The following MICAL3 variants were observed in gnomAD, a reference collection of about 807,000 sequenced individuals.
MICAL3 encodes the protein [F-actin]-monooxygenase MICAL3.
In MICAL3, 62 loss-of-function variants were observed where a neutral mutation model predicts 207.4. The ratio of observed to expected loss-of-function variants is 0.30; its 90% CI spans 0.24 to 0.37. The LOEUF (loss-of-function observed/expected upper bound fraction) is 0.37. Ranked by LOEUF, MICAL3 falls within the 10% of genes least tolerant of loss-of-function variation. The probability of loss-of-function intolerance (pLI) is 1.00; values close to 1 mark genes in which losing one functional copy is unlikely to be tolerated. For missense variants in MICAL3, 2,368 were observed against 2,635.6 expected (o/e 0.90, Z 2.22); for synonymous variants, 1,077 against 1,069.3 (o/e 1.01, Z -0.14).
rs1923936648 is a variant in MICAL3, at chr22:17,840,853, G to C, written c.2801+969C>G. On this transcript the variant is annotated intron_variant, in intron 20 of 31. Coordinates refer to ENST00000441493, the MANE Select transcript of MICAL3 (RefSeq NM_015241.3). ...CTTTGGAACTGCAGACACCAAGGCAGAGGCTGCCCCCGGCATGCACGGAGG... is the reference window on the plus strand; with the variant it reads ...CTTTGGAACTGCAGACACCAAGGCACAGGCTGCCCCCGGCATGCACGGAGG... 4 of 152,334 alleles carry C rather than the reference G, an allele frequency of 2.6e-5. No homozygotes were observed. In the South Asian group the frequency reaches 8.3e-4, roughly 32 times the overall value. The allele number at this position is 152,334 out of a possible 1,614,324, so 9.4% of individuals were successfully genotyped here.
chr22:17,809,486 T>A (rs1298980397), intron 28 of MICAL3, among the ~76,000 whole-genome samples: 1 of 152,106 alleles, frequency 6.6e-6, no homozygotes, highest in Non-Finnish European at 1.5e-5. Flanking sequence ...ATACAAAAAT[T>A]AGCTGGATGT....
chr22:17,904,118 T>C (rs1017253415), intron 3 of MICAL3, among the ~76,000 whole-genome samples: 2 of 152,214 alleles, frequency 1.3e-5, no homozygotes, highest in Admixed American at 6.5e-5. Context: ...CATTATCCCC[T>C]TGCCATTAAC....
intron 1 of MICAL3, among the ~76,000 whole-genome samples, chr22:17,989,020 G>T (rs1921361032): frequency 6.6e-6 from 1 of 151,988 alleles, no homozygotes; most frequent in African/African-American, 2.4e-5. Context: ...CTCCTCCCCG[G>T]CTGATCTTGC....
At chr22:17,938,159 C>G (rs1004495050) in intron 1 of MICAL3, among the ~76,000 whole-genome samples, 1 of 152,170 alleles carries the variant, frequency 6.6e-6, no homozygotes, top group Non-Finnish European at 1.5e-5. Flanking sequence ...TCTCACTGCA[C>G]AGATGAGAAA....
intron 29 of MICAL3, among the ~76,000 whole-genome samples, chr22:17,803,371 G>A (rs892688806): frequency 2.0e-5 from 3 of 152,090 alleles, no homozygotes; most frequent in African/African-American, 7.2e-5. Flanking sequence ...ACGAGACCAC[G>A]ACCCAGTGAA....
At chr22:17,963,397 T>G (rs1935006036) in intron 1 of MICAL3, among the ~76,000 whole-genome samples, 1 of 152,112 alleles carries the variant, frequency 6.6e-6, no homozygotes, top group African/African-American at 2.4e-5. Flanking sequence ...CCATCTCCAT[T>G]CTTTAATGAC....
chr22:17,977,613 G>A (rs1392742059), intron 1 of MICAL3, among the ~76,000 whole-genome samples: 1 of 152,068 alleles, frequency 6.6e-6, no homozygotes, highest in Non-Finnish European at 1.5e-5. Flanking sequence ...GTTGCTGGTG[G>A]GAAAGTAAAA....
chr22:17,941,289 C>A (rs1030278596), intron 1 of MICAL3, among the ~76,000 whole-genome samples: 1 of 152,206 alleles, frequency 6.6e-6, no homozygotes, highest in African/African-American at 2.4e-5. Context: ...AACACCGGCA[C>A]CGATGTCAGC....
intron 20 of MICAL3, 28 bp from the exon 21 acceptor site, chr22:17,832,135 G>A: frequency 1.3e-6 from 2 of 1,552,372 alleles, no homozygotes; most frequent in African/African-American, 1.4e-5. Flanking sequence ...CATAGCCAGA[G>A]TGAGGGAATG....
chr22:17,916,233 T>G (rs5747412), intron 1 of MICAL3, among the ~76,000 whole-genome samples: 2 of 151,544 alleles, frequency 1.3e-5, no homozygotes, highest in Admixed American at 6.6e-5. Context: ...CCTCCAATGA[T>G]AGCGAGCGAC....
intron 1 of MICAL3, among the ~76,000 whole-genome samples, chr22:17,996,614 A>C (rs1254008541): frequency 1.3e-5 from 2 of 152,098 alleles, no homozygotes; most frequent in Admixed American, 6.6e-5. Context: ...TGTTCTCTCC[A>C]CCGGGGCAAT....
chr22:17,941,645 C>G (rs900616545), intron 1 of MICAL3, among the ~76,000 whole-genome samples: 1 of 152,232 alleles, frequency 6.6e-6, no homozygotes, highest in Non-Finnish European at 1.5e-5. Flanking sequence ...ATATGCCACT[C>G]TTGGGATACA....
intron 19 of MICAL3, among the ~76,000 whole-genome samples, chr22:17,854,185 G>GGA (rs1925646184): frequency 6.6e-6 from 1 of 151,244 alleles, no homozygotes; most frequent in Non-Finnish European, 1.5e-5. Flanking sequence ...GGGTCACTTG[G>GGA]CAATGTCTGG....
chr22:17,909,400 C>T (rs998314238), intron 1 of MICAL3, among the ~76,000 whole-genome samples: 2 of 152,206 alleles, frequency 1.3e-5, no homozygotes, highest in Non-Finnish European at 2.9e-5. Flanking sequence ...TGGCACACGC[C>T]TGTAATCCCA....
chr22:17,816,795 A>G lies in MICAL3; in HGVS notation c.5351-11T>C, dbSNP rs896319997. The G allele has an allele frequency of 4.5e-6, 7 of 1,546,182 alleles. No individual in the cohort carries two copies. Among genetic ancestry groups the G allele is most frequent in the Non-Finnish European group, 6.1e-6 (7 of 1,144,180 alleles). On this transcript the variant is annotated splice_polypyrimidine_tract_variant and intron_variant, in intron 26 of 31. Coordinates refer to ENST00000441493, the MANE Select transcript of MICAL3 (RefSeq NM_015241.3). ...GCCGGAGCTGCAGCTCTGTGGAGAG[A>G]GGGAGGCCACGTGAGGACAGCGCCA...
At chr22:17,949,833 C>T (rs535254438) in intron 1 of MICAL3, among the ~76,000 whole-genome samples, 1 of 152,360 alleles carries the variant, frequency 6.6e-6, no homozygotes, top group South Asian at 2.1e-4. Flanking sequence ...CAGATACTCC[C>T]TGTGTGCACA....
At chr22:17,984,536 C>T (rs115883616) in intron 1 of MICAL3, among the ~76,000 whole-genome samples, 3,208 of 150,184 alleles carry the variant, frequency 0.021, 57 homozygotes, top group African/African-American at 0.049. Flanking sequence ...CCAGACCTCC[C>T]CCCCACCCCC....
chr22:17,797,515 T>C (rs915422301), intron 29 of MICAL3, among the ~76,000 whole-genome samples: 1 of 152,090 alleles, frequency 6.6e-6, no homozygotes, highest in Non-Finnish European at 1.5e-5. Context: ...TAAGTAATAA[T>C]AGCCCAGAGG....
At chr22:17,944,252 C>T (rs544223512) in intron 1 of MICAL3, among the ~76,000 whole-genome samples, 69 of 152,256 alleles carry the variant, frequency 4.5e-4, no homozygotes, top group African/African-American at 1.5e-3. Flanking sequence ...TAGAGGTTCT[C>T]GGGACTTCAT....
Sources: allele counts gnomAD v4.1 joint callset (sites outside exome capture counted in the v4.1 genomes callset), GRCh38; gene constraint gnomAD v4.1.1; transcripts MANE v1.5; gene names NCBI Gene and HGNC (gene_info 2026-07-23, HGNC 2026-07-21).